MDGA2: variants seen among roughly 807,000 people sequenced by gnomAD.
MDGA2 encodes MAM domain-containing glycosylphosphatidylinositol anchor protein 2.
Under a neutral mutation model 117.8 loss-of-function variants are expected in MDGA2, and 40 were observed. The observed-to-expected ratio is 0.34, with a 90% CI of 0.26 to 0.44. The LOEUF (loss-of-function observed/expected upper bound fraction) is 0.44. MDGA2 is among the 20% of genes least tolerant of loss of function. The probability of loss-of-function intolerance (pLI) is 1.00; values close to 1 mark genes in which losing one functional copy is unlikely to be tolerated. For synonymous variants in MDGA2, 452 were observed against 439.0 expected (o/e 1.03, Z -0.37); for missense variants, 1,123 against 1,250.6 (o/e 0.90, Z 1.54).
rs1255206359 is a variant in MDGA2, at chr14:47,335,734, T to TTTTATATATATATATATA, written c.281-34185_281-34184insTATATATATATATATAAA. Among the ~76,000 whole-genome samples, 16 of 48,022 alleles carry TTTTATATATATATATATA rather than the reference T, an allele frequency of 3.3e-4. 1 individual carries two copies. The highest frequency in any genetic ancestry group is 6.3e-4 in the Non-Finnish European group (15 of 23,808). The allele number at this position is 48,022 out of a possible 152,430, so 31.5% of individuals were successfully genotyped here. A position where few individuals can be genotyped will look rare whatever the true frequency, so the allele number is the denominator to read the frequency against. ...ACACATACACATGCACACATATATT[T>TTTTATATATATATATATA]TATATATATATATACATACATACAT... On this transcript the variant is annotated intron_variant, in intron 1 of 16. Coordinates refer to ENST00000399232, the MANE Select transcript of MDGA2 (RefSeq NM_001113498.3).
At chr14:47,512,924 A>G (rs1256734035) in intron 1 of MDGA2, among the ~76,000 whole-genome samples, 2 of 144,128 alleles carry the variant, frequency 1.4e-5, no homozygotes, top group Non-Finnish European at 2.9e-5. Context: ...CAAAAAATTG[A>G]CTAAATAGTA....
At chr14:47,486,475 G>A (rs138086821) in intron 1 of MDGA2, among the ~76,000 whole-genome samples, 40 of 152,216 alleles carry the variant, frequency 2.6e-4, no homozygotes, top group African/African-American at 8.4e-4. Flanking sequence ...TTGAGTTAAT[G>A]CTGAAATGAG....
rs565715119 is a variant in MDGA2 at position 47,448,458 on chromosome 14, C to T, written c.281-146908G>A. Among the ~76,000 whole-genome samples the T allele has an allele frequency of 4.6e-5, 7 of 152,006 alleles. No individual in the cohort carries two copies. In the East Asian group the frequency reaches 9.8e-4, roughly 21 times the overall value. Reference sequence around the variant, plus strand: ...CCCAGCCCGAAGTCTACTTTCAATCCCCCCACTCCAATCAACAACCTTTTA... The same window carrying T: ...CCCAGCCCGAAGTCTACTTTCAATCTCCCCACTCCAATCAACAACCTTTTA... On this transcript the variant is annotated intron_variant, in intron 1 of 16. Transcript: ENST00000399232.
At chr14:47,334,662 A>T (rs1457981858) in intron 1 of MDGA2, among the ~76,000 whole-genome samples, 1 of 151,972 alleles carries the variant, frequency 6.6e-6, no homozygotes, top group East Asian at 1.9e-4. Flanking sequence ...TGAGTTGTTA[A>T]TCTTTTCTTG....
chr14:46,946,396 A>C (rs190980438), intron 9 of MDGA2, among the ~76,000 whole-genome samples: 12 of 152,156 alleles, frequency 7.9e-5, no homozygotes, highest in Admixed American at 1.3e-4. Flanking sequence ...GTGCCTGCAA[A>C]AAAAAAATGA....
At chr14:47,566,636 C>G (rs1431567929) in intron 1 of MDGA2, among the ~76,000 whole-genome samples, 1 of 152,098 alleles carries the variant, frequency 6.6e-6, no homozygotes, top group East Asian at 1.9e-4. Flanking sequence ...TGCCAGGGTT[C>G]CAGAGGTCTG....
intron 3 of MDGA2, among the ~76,000 whole-genome samples, chr14:47,171,490 C>G (rs1251596246): frequency 6.6e-6 from 1 of 152,116 alleles, no homozygotes; most frequent in Non-Finnish European, 1.5e-5. Flanking sequence ...AACTACTTTT[C>G]TAGGATTCTT....
intron 1 of MDGA2, among the ~76,000 whole-genome samples, chr14:47,459,627 T>A (rs942543694): frequency 1.3e-4 from 20 of 151,990 alleles, no homozygotes; most frequent in Non-Finnish European, 2.6e-4. Context: ...GTGTGGGTTT[T>A]TTTTATTTTT....
intron 8 of MDGA2, among the ~76,000 whole-genome samples, chr14:46,959,249 ATATGTGTGTG>A (rs1447136540): frequency 4.6e-5 from 3 of 65,210 alleles, no homozygotes; most frequent in Non-Finnish European, 7.2e-5. Flanking sequence ...GCAATGCTAT[ATATGTGTGTG>A]TGTGTGTGTG....
At chr14:47,293,986 T>C (rs1319235044) in intron 2 of MDGA2, among the ~76,000 whole-genome samples, 4 of 152,068 alleles carry the variant, frequency 2.6e-5, no homozygotes, top group Non-Finnish European at 4.4e-5. Context: ...AAACAAGCTA[T>C]GCTAATACAT....
At chr14:46,982,504 A>T (rs1431109635) in intron 8 of MDGA2, among the ~76,000 whole-genome samples, 1 of 151,578 alleles carries the variant, frequency 6.6e-6, no homozygotes, top group Non-Finnish European at 1.5e-5. Context: ...AGGTCAGGAG[A>T]TAGAGACCAT....
At chr14:47,052,263 T>G (rs899484171) in intron 7 of MDGA2, among the ~76,000 whole-genome samples, 2 of 151,800 alleles carry the variant, frequency 1.3e-5, no homozygotes, top group African/African-American at 4.8e-5. Flanking sequence ...TTGGGTATAC[T>G]CTCTCATTTC....
At chr14:47,553,173 G>A (rs112670251) in intron 1 of MDGA2, among the ~76,000 whole-genome samples, 108 of 152,306 alleles carry the variant, frequency 7.1e-4, no homozygotes, top group African/African-American at 2.5e-3. Flanking sequence ...ATCATCTGAT[G>A]TACTGCATAT....
At chr14:47,280,314 CAAAAAAAAAAAAA>C (rs1196509408) in intron 2 of MDGA2, among the ~76,000 whole-genome samples, 10 of 35,842 alleles carry the variant, frequency 2.8e-4, no homozygotes, top group East Asian at 1.7e-3. Context: ...AACTCCATCT[CAAAAAAAAAAAAA>C]AAAAAAAAAA....
chr14:47,459,545 C>G (rs1258923125), intron 1 of MDGA2, among the ~76,000 whole-genome samples: 1 of 148,242 alleles, frequency 6.7e-6, no homozygotes, highest in Non-Finnish European at 1.5e-5. Flanking sequence ...CTCTTTCTTT[C>G]TTCCTTCCTT....
At chr14:47,170,544 A>T (rs767934085) in intron 3 of MDGA2, among the ~76,000 whole-genome samples, 1 of 152,132 alleles carries the variant, frequency 6.6e-6, no homozygotes, top group East Asian at 1.9e-4. Context: ...TCAAGCAAAG[A>T]TTCAAGGATT....
chr14:47,034,726 TCATACACACAC>T (rs1888778338), intron 8 of MDGA2, among the ~76,000 whole-genome samples: 1 of 69,144 alleles, frequency 1.4e-5, no homozygotes, highest in Non-Finnish European at 2.7e-5. Context: ...ATCATAATTA[TCATACACACAC>T]ACACACACAC....
intron 1 of MDGA2, among the ~76,000 whole-genome samples, chr14:47,400,364 T>A (rs1033778646): frequency 1.3e-5 from 2 of 152,184 alleles, no homozygotes; most frequent in Non-Finnish European, 2.9e-5. Context: ...GCAACTTATC[T>A]TCCTCTACTT....
chr14:47,410,494 G>T (rs1200436675), intron 1 of MDGA2, among the ~76,000 whole-genome samples: 4 of 151,580 alleles, frequency 2.6e-5, no homozygotes, highest in Non-Finnish European at 5.9e-5. Context: ...CTTAAAGTTT[G>T]TCTTTGTAAC....
Sources: gnomAD v4.1 joint callset for allele counts (sites outside exome capture counted in the v4.1 genomes callset) on GRCh38, gnomAD v4.1.1 for gene constraint, MANE v1.5 for transcripts, NCBI Gene and HGNC (gene_info 2026-07-23, HGNC 2026-07-21) for gene names.